Variants in NFKB1 observed in about 807,000 individuals in gnomAD.
The protein encoded by NFKB1 is nuclear factor NF-kappa-B p105 subunit.
A neutral mutation model predicts 105.1 loss-of-function variants in NFKB1; 9 were observed. The observed-to-expected ratio is 0.09, with a 90% CI of 0.05 to 0.15. The LOEUF is 0.15. NFKB1 is among the 10% of genes least tolerant of loss of function. The pLI is 1.00. For synonymous variants in NFKB1, 440 were observed against 442.2 expected (o/e 1.00, Z 0.06); for missense variants, 830 against 1,203.7 (o/e 0.69, Z 4.59).
At chr4:102,604,379 C>T (rs1001124518) in intron 16 of NFKB1, among the ~76,000 whole-genome samples, 1 of 152,138 alleles carries the variant, frequency 6.6e-6, no homozygotes, top group East Asian at 1.9e-4. Context: ...CCAGAGGTCT[C>T]TTCACCCAGT....
Position 102,612,069 on chromosome 4 carries a change from C to G in NFKB1, c.2378C>G (p.Pro793Arg), listed in dbSNP as rs201233299. 176 of 1,613,906 alleles carry G rather than the reference C, an allele frequency of 1.1e-4. No homozygotes were observed. Among genetic ancestry groups the G allele is most frequent in the Non-Finnish European group, 1.5e-4 (172 of 1,179,960 alleles). Residue 793 changes from proline to arginine, a missense_variant, in exon 21 of 24, where the codon CCA becomes CGA. By Grantham distance (103) the Pro-to-Arg change is moderately radical. This residue lies in a region of NFKB1 where 418 missense variants were observed against 575.3 expected (regional missense o/e 0.73). Coordinates refer to ENST00000226574, the MANE Select transcript of NFKB1 (RefSeq NM_003998.4). ...WQVFDILNGK[P>R]YEPEFTSDDL... is the part of the protein sequence containing the mutation. ...GTATTTGACATATTAAATGGGAAAC[C>G]ATATGAGCCAGAGTTTACATCTGAT...
At chr4:102,607,517 T>C in intron 18 of NFKB1, 132 bp from the exon 19 acceptor site, 1 of 1,158,884 alleles carries the variant, frequency 8.6e-7, no homozygotes, top group South Asian at 1.3e-5. Flanking sequence ...GGGGATTTCT[T>C]CAATGACAGA....
At chr4:102,501,949 C>T (rs1689218921) in intron 1 of NFKB1, 161 bp downstream of exon 1, 1 of 152,472 alleles carries the variant, frequency 6.6e-6, no homozygotes, top group African/African-American at 2.4e-5. Context: ...CTGAGAGGCA[C>T]ATGGGATTAG....
intron 11 of NFKB1, 146 bp from the exon 12 acceptor site, chr4:102,593,279 T>G: frequency 1.3e-6 from 1 of 796,756 alleles, no homozygotes; most frequent in South Asian, 1.9e-5. Flanking sequence ...TAACGCTTCT[T>G]GAAATTTACC....
chr4:102,501,576 G>GCCCTGCGCTT lies in NFKB1; in HGVS notation c.-215_-206dup. On this transcript the variant is annotated 5_prime_UTR_variant, in exon 1 of 24. Transcript: ENST00000226574. The stretch of plus-strand genomic sequence containing the variant: ...CGGCGCCGCCGCCCGGCCACCGCGC[G>GCCCTGCGCTT]CCCTGCGCTTCCCTCCGCCCGCGCT... 1 of 147,020 alleles carries GCCCTGCGCTT rather than the reference G, an allele frequency of 6.8e-6. No homozygotes were observed. Among genetic ancestry groups the GCCCTGCGCTT allele is most frequent in the East Asian group, 2.0e-4 (1 of 5,092 alleles). The allele number at this position is 147,020 out of a possible 1,614,324, so 9.1% of individuals were successfully genotyped here.
At chr4:102,511,043 T>A in intron 1 of NFKB1, 1 of 831,826 alleles carries the variant, frequency 1.2e-6, no homozygotes. Context: ...ATTGCTTGTT[T>A]ATAGAAGCTC....
intron 15 of NFKB1, 113 bp downstream of exon 15, chr4:102,597,774 A>C: frequency 1.6e-6 from 2 of 1,245,136 alleles, no homozygotes; most frequent in Non-Finnish European, 2.2e-6. Context: ...TGAGTCCTCT[A>C]ACTGGAATGA....
intron 22 of NFKB1, 112 bp from the exon 23 acceptor site, chr4:102,613,313 C>G: frequency 9.1e-7 from 1 of 1,094,478 alleles, no homozygotes; most frequent in Non-Finnish European, 1.3e-6. Context: ...TTCCTCCTGG[C>G]TCCTGAGTGG....
At chr4:102,578,780 GT>G in intron 7 of NFKB1, 100 bp from the exon 8 acceptor site, 1 of 1,267,648 alleles carries the variant, frequency 7.9e-7, no homozygotes, top group Non-Finnish European at 1.1e-6. Context: ...GGAAAAATGG[GT>G]TTTTATTGTA....
At chr4:102,598,847 C>T (rs1560709091) in intron 15 of NFKB1, among the ~76,000 whole-genome samples, 2 of 152,088 alleles carry the variant, frequency 1.3e-5, no homozygotes, top group African/African-American at 2.4e-5. Context: ...GGATACAAGG[C>T]GAGGCACATG....
At chr4:102,609,943 T>G (rs1465208585) in intron 19 of NFKB1, among the ~76,000 whole-genome samples, 1 of 152,238 alleles carries the variant, frequency 6.6e-6, no homozygotes, top group Non-Finnish European at 1.5e-5. Context: ...CTCTAGTCTT[T>G]GAGTTACTTT....
chr4:102,584,153 T>G (rs1725532469), intron 10 of NFKB1, among the ~76,000 whole-genome samples: 1 of 152,160 alleles, frequency 6.6e-6, no homozygotes, highest in Non-Finnish European at 1.5e-5. Context: ...TCTTTATCCC[T>G]GTGAATATAT....
At chr4:102,505,949 G>T (rs1245818772) in intron 1 of NFKB1, among the ~76,000 whole-genome samples, 1 of 152,034 alleles carries the variant, frequency 6.6e-6, no homozygotes. Context: ...CTTCTGGAAA[G>T]AAAGGAGCAC....
chr4:102,541,601 G>A (rs1182971747), intron 5 of NFKB1, among the ~76,000 whole-genome samples: 1 of 152,182 alleles, frequency 6.6e-6, no homozygotes, highest in African/African-American at 2.4e-5. Context: ...TCCACTGTGT[G>A]TGAACAATGG....
chr4:102,529,716 G>T (rs1170517268), intron 2 of NFKB1, 120 bp from the exon 3 acceptor site: 1 of 717,120 alleles, frequency 1.4e-6, no homozygotes, highest in African/African-American at 1.8e-5. Flanking sequence ...AATATTTTCA[G>T]ATTTTTGTTT....
intron 19 of NFKB1, among the ~76,000 whole-genome samples, chr4:102,608,075 T>G (rs1173188816): frequency 6.6e-6 from 1 of 152,240 alleles, no homozygotes; most frequent in Non-Finnish European, 1.5e-5. Context: ...TGAGTGGTAT[T>G]AGTCTCAGAT....
chr4:102,538,074 CAT>C (rs1412252067), intron 5 of NFKB1, 118 bp downstream of exon 5: 1 of 505,910 alleles, frequency 2.0e-6, no homozygotes, highest in African/African-American at 2.0e-5. Flanking sequence ...GAAGTGTTCA[CAT>C]GATTATTAAA....
intron 10 of NFKB1, among the ~76,000 whole-genome samples, chr4:102,583,964 G>C (rs1002823389): frequency 1.3e-5 from 2 of 152,114 alleles, no homozygotes; most frequent in African/African-American, 4.8e-5. Context: ...TAAAAGATGG[G>C]TGTAGAACAA....
intron 5 of NFKB1, among the ~76,000 whole-genome samples, chr4:102,554,560 A>G (rs1253951124): frequency 6.6e-5 from 10 of 152,172 alleles, no homozygotes; most frequent in Non-Finnish European, 2.9e-5. Flanking sequence ...AACTTTAGGG[A>G]GTTTAATGTT....
Sources: gnomAD v4.1 joint callset for allele counts (sites outside exome capture counted in the v4.1 genomes callset) on GRCh38, gnomAD v4.1.1 for gene constraint, gnomAD v4.1.1 regional missense constraint, MANE v1.5 for transcripts, NCBI Gene and HGNC (gene_info 2026-07-23, HGNC 2026-07-21) for gene names.